KALRN: variants seen among roughly 807,000 people sequenced by gnomAD.
The protein encoded by KALRN is kalirin.
A neutral mutation model predicts 353.7 loss-of-function variants in KALRN; 70 were observed. The observed-to-expected ratio is 0.20, with a 90% confidence interval of 0.16 to 0.24. The LOEUF is 0.24. KALRN is among the 10% of genes least tolerant of loss of function. The pLI is 1.00. For synonymous variants in KALRN, 1,391 were observed against 1,434.8 expected, an observed-to-expected ratio of 0.97 and a Z score of 0.69; for missense variants, 2,791 against 3,756.7, an observed-to-expected ratio of 0.74 and a Z score of 6.72.
chr3:124,084,677 AT>A (rs567459922), intron 1 of KALRN, among the ~76,000 whole-genome samples: 14 of 152,084 alleles, frequency 9.2e-5, no homozygotes, highest in African/African-American at 3.4e-4. Flanking sequence ...AAGTTCTGGG[AT>A]TTTTTTGGCT....
At chr3:124,594,276 A>G (rs1448548017) in intron 34 of KALRN, among the ~76,000 whole-genome samples, 1 of 152,190 alleles carries the variant, frequency 6.6e-6, no homozygotes, top group East Asian at 1.9e-4. Context: ...ACCAGGCTGG[A>G]GTGCAGTGGC....
At chr3:124,344,030 G>T (rs1263061468) in intron 9 of KALRN, among the ~76,000 whole-genome samples, 1 of 152,222 alleles carries the variant, frequency 6.6e-6, no homozygotes, top group Non-Finnish European at 1.5e-5. Flanking sequence ...TACCAATTCA[G>T]AGCCATCGAT....
At chr3:124,439,706 T>G (rs995938205) in intron 18 of KALRN, among the ~76,000 whole-genome samples, 2 of 152,206 alleles carry the variant, frequency 1.3e-5, no homozygotes, top group African/African-American at 4.8e-5. Flanking sequence ...GAGAAATGCC[T>G]TATTCCTAAT....
intron 10 of KALRN, among the ~76,000 whole-genome samples, chr3:124,379,571 G>A (rs1335190312): frequency 2.6e-5 from 4 of 152,214 alleles, no homozygotes; most frequent in Non-Finnish European, 2.9e-5. Context: ...CAGGACCAGA[G>A]CAGTTCTCAT....
chr3:124,707,642 G>T (rs1038264652), intron 57 of KALRN, among the ~76,000 whole-genome samples: 1 of 152,200 alleles, frequency 6.6e-6, no homozygotes, highest in South Asian at 2.1e-4. Flanking sequence ...AACCCTTTGA[G>T]CTGGAGAGAA....
chr3:124,081,589 A>G (rs1283032206), intron 1 of KALRN, among the ~76,000 whole-genome samples: 1 of 152,074 alleles, frequency 6.6e-6, no homozygotes, highest in Non-Finnish European at 1.5e-5. Flanking sequence ...TGGGCAACAT[A>G]GGGAGATGTT....
chr3:124,302,797 C>T (rs1363629308), intron 6 of KALRN, among the ~76,000 whole-genome samples: 1 of 151,992 alleles, frequency 6.6e-6, no homozygotes, highest in Non-Finnish European at 1.5e-5. Context: ...CAGATGGCTA[C>T]CTTCTCACTG....
intron 5 of KALRN, among the ~76,000 whole-genome samples, chr3:124,290,145 A>G (rs2076299309): frequency 6.6e-6 from 1 of 152,184 alleles, no homozygotes. Flanking sequence ...AAGAAAATTC[A>G]AGTATGTGAA....
At chr3:124,375,293 G>C (rs936402108) in intron 10 of KALRN, among the ~76,000 whole-genome samples, 2 of 152,170 alleles carry the variant, frequency 1.3e-5, no homozygotes, top group Admixed American at 1.3e-4. Flanking sequence ...GCCTCATTTT[G>C]GTCTCCTAAT....
At chr3:124,077,834 G>A (rs1160121938) in intron 1 of KALRN, among the ~76,000 whole-genome samples, 2 of 152,314 alleles carry the variant, frequency 1.3e-5, no homozygotes, top group African/African-American at 2.4e-5. Flanking sequence ...GAGCACCACA[G>A]CATTGCTGCC....
chr3:124,148,080 A>C (rs1254391617), intron 1 of KALRN, among the ~76,000 whole-genome samples: 1 of 152,146 alleles, frequency 6.6e-6, no homozygotes, highest in African/African-American at 2.4e-5. Context: ...GAAACATCCC[A>C]CCCAGATGTA....
At chr3:124,591,819 C>T (rs13068227) in intron 34 of KALRN, among the ~76,000 whole-genome samples, 1 of 152,038 alleles carries the variant, frequency 6.6e-6, no homozygotes, top group African/African-American at 2.4e-5. Context: ...AATTTAATGG[C>T]CCTGGCTCAA....
chr3:124,080,033 A>G (rs1259470244), intron 1 of KALRN: 5 of 471,138 alleles, frequency 1.1e-5, no homozygotes, highest in Admixed American at 9.4e-5. Context: ...GTTGCATTCT[A>G]TGTTGCCAGT....
chr3:124,358,599 T>C (rs1463876597), intron 10 of KALRN, among the ~76,000 whole-genome samples: 2 of 152,222 alleles, frequency 1.3e-5, no homozygotes, highest in African/African-American at 4.8e-5. Flanking sequence ...GCCATTTTTT[T>C]CCTTCCCCTT....
intron 51 of KALRN, among the ~76,000 whole-genome samples, chr3:124,684,882 G>A (rs1418670343): frequency 6.6e-6 from 1 of 152,010 alleles, no homozygotes; most frequent in Non-Finnish European, 1.5e-5. Flanking sequence ...CAAACCTACA[G>A]TTCCCTGGCC....
chr3:124,371,524 T>A (rs2085832065), intron 10 of KALRN, among the ~76,000 whole-genome samples: 1 of 152,224 alleles, frequency 6.6e-6, no homozygotes, highest in Non-Finnish European at 1.5e-5. Flanking sequence ...TTTTCCATGA[T>A]GGCTATACTA....
At chr3:124,107,787 A>T (rs1242811009) in intron 1 of KALRN, among the ~76,000 whole-genome samples, 1 of 152,196 alleles carries the variant, frequency 6.6e-6, no homozygotes, top group Non-Finnish European at 1.5e-5. Flanking sequence ...AGACAGTGTC[A>T]TCATTAGGTA....
intron 10 of KALRN, among the ~76,000 whole-genome samples, chr3:124,357,865 A>G (rs975793069): frequency 1.3e-5 from 2 of 152,228 alleles, no homozygotes; most frequent in Admixed American, 1.3e-4. Context: ...CATGCAATGG[A>G]TACTTGAAAG....
intron 1 of KALRN, among the ~76,000 whole-genome samples, chr3:124,083,824 T>C (rs1577894206): frequency 6.6e-6 from 1 of 152,316 alleles, no homozygotes; most frequent in East Asian, 1.9e-4. Flanking sequence ...AACTTGGAAA[T>C]TGTCTTGTTA....
Sources: gnomAD v4.1 joint callset for allele counts (sites outside exome capture counted in the v4.1 genomes callset) on GRCh38, gnomAD v4.1.1 for gene constraint, MANE v1.5 for transcripts, NCBI Gene and HGNC (gene_info 2026-07-23, HGNC 2026-07-21) for gene names.